AGBL1: variants seen among roughly 807,000 people sequenced by gnomAD.
AGBL1 encodes the protein cytosolic carboxypeptidase 4.
Under a neutral mutation model 118.9 loss-of-function variants are expected in AGBL1, and 130 were observed. The observed-to-expected ratio is 1.09, with a 90% CI of 0.95 to 1.26. The LOEUF (loss-of-function observed/expected upper bound fraction) is 1.26. Ranked by LOEUF, AGBL1 falls within the 50% of genes most tolerant of loss-of-function variation. The pLI is 0.00. For missense variants in AGBL1, 1,584 were observed against 1,298.1 expected (o/e 1.22, Z -3.38); for synonymous variants, 555 against 478.9 (o/e 1.16, Z -2.08).
chr15:86,756,897 G>T (rs751357671), intron 22 of AGBL1, among the ~76,000 whole-genome samples: 2 of 151,700 alleles, frequency 1.3e-5, no homozygotes, highest in Non-Finnish European at 2.9e-5. Context: ...GCTCCCTCTG[G>T]CTGTAGTTTG....
At chr15:86,478,792 AG>A (rs779603650) in intron 18 of AGBL1, among the ~76,000 whole-genome samples, 1 of 152,210 alleles carries the variant, frequency 6.6e-6, no homozygotes, top group Non-Finnish European at 1.5e-5. Flanking sequence ...CTAAGCCAAA[AG>A]AACAAAGCTG....
At chr15:86,589,950 CATATGT>C (rs2084309344) in intron 21 of AGBL1, among the ~76,000 whole-genome samples, 1 of 152,062 alleles carries the variant, frequency 6.6e-6, no homozygotes, top group Non-Finnish European at 1.5e-5. Flanking sequence ...TATTCTCTTA[CATATGT>C]AGGGGCAAAG....
At chr15:86,161,139 G>A (rs968765764) in intron 5 of AGBL1, among the ~76,000 whole-genome samples, 2 of 152,202 alleles carry the variant, frequency 1.3e-5, no homozygotes, top group African/African-American at 4.8e-5. Context: ...CACAAAAGGA[G>A]CCTTCCAGGG....
At chr15:86,992,476 T>A (rs1463065833) in intron 24 of AGBL1, among the ~76,000 whole-genome samples, 1 of 152,196 alleles carries the variant, frequency 6.6e-6, no homozygotes, top group Non-Finnish European at 1.5e-5. Flanking sequence ...TCTATTGCAC[T>A]GAACACAGTA....
Position 86,262,710 on chromosome 15 carries a change from A to G in AGBL1, c.970-68A>G, listed in dbSNP as rs749385868. The G allele has an allele frequency of 1.1e-5, 12 of 1,067,090 alleles. 1 individual carries two copies. The highest frequency in any genetic ancestry group is 2.0e-4 in the Middle Eastern group (1 of 5,058). The allele number at this position is 1,067,090 out of a possible 1,614,324, so 66.1% of individuals were successfully genotyped here. ...TAAGATTCTGAAGAAGCACATACAT[A>G]TCATGTCTTGATGCTTCTCAGGGTG... On this transcript the variant is annotated intron_variant, in intron 9 of 22. Coordinates refer to ENST00000614907, the MANE Select transcript of AGBL1 (RefSeq NM_001386094.1).
chr15:86,270,128 G>A, intron 14 of AGBL1, 61 bp downstream of exon 14: 1 of 1,545,456 alleles, frequency 6.5e-7, no homozygotes, highest in South Asian at 1.2e-5. Flanking sequence ...TTTCTTGACT[G>A]TTTGGATTCA....
chr15:86,900,061 C>CT (rs2080189724), intron 22 of AGBL1, among the ~76,000 whole-genome samples: 1 of 152,154 alleles, frequency 6.6e-6, no homozygotes, highest in African/African-American at 2.4e-5. Flanking sequence ...ACATTGGACT[C>CT]TAAGTTCTTC....
chr15:86,831,545 C>T (rs1401854301), intron 22 of AGBL1, among the ~76,000 whole-genome samples: 1 of 152,186 alleles, frequency 6.6e-6, no homozygotes, highest in African/African-American at 2.4e-5. Context: ...GAAGGCCAGT[C>T]AAATTTTAAA....
chr15:86,659,865 GC>G (rs1257893203), intron 21 of AGBL1, among the ~76,000 whole-genome samples: 1 of 152,102 alleles, frequency 6.6e-6, no homozygotes, highest in Non-Finnish European at 1.5e-5. Flanking sequence ...AGTTATATGG[GC>G]CCATGGTAGG....
At chr15:86,225,480 AT>A (rs1198940948) in intron 6 of AGBL1, among the ~76,000 whole-genome samples, 3 of 152,164 alleles carry the variant, frequency 2.0e-5, no homozygotes, top group Non-Finnish European at 4.4e-5. Context: ...CTGATAACAA[AT>A]TTATATTTAA....
intron 22 of AGBL1, among the ~76,000 whole-genome samples, chr15:86,677,187 A>G (rs190740638): frequency 6.6e-6 from 1 of 152,346 alleles, no homozygotes; most frequent in Non-Finnish European, 1.5e-5. Flanking sequence ...CATAAAAACA[A>G]TTAGAGTGTA....
At chr15:86,210,593 C>G (rs1239965349) in intron 5 of AGBL1, among the ~76,000 whole-genome samples, 3 of 152,134 alleles carry the variant, frequency 2.0e-5, no homozygotes, top group African/African-American at 7.2e-5. Flanking sequence ...CCCTTTCTTC[C>G]ACTTGATCTA....
intron 22 of AGBL1, among the ~76,000 whole-genome samples, chr15:86,842,219 A>T (rs2079255835): frequency 1.3e-5 from 1 of 74,806 alleles, no homozygotes; most frequent in African/African-American, 5.6e-5. Flanking sequence ...ATCGATATTA[A>T]AAAAAAAAAA....
intron 17 of AGBL1, among the ~76,000 whole-genome samples, chr15:86,346,869 G>A (rs1390614782): frequency 2.6e-5 from 4 of 152,174 alleles, no homozygotes; most frequent in East Asian, 1.9e-4. Context: ...GTGCCATACA[G>A]CAAGACTCTG....
Position 86,559,278 on chromosome 15 carries a change from A to G in AGBL1, c.2994+4741A>G, listed in dbSNP as rs549086062. 2.0e-5 allele frequency among the ~76,000 whole-genome samples: 3 copies of G among 152,326 alleles called. No individual in the cohort carries two copies. The East Asian group carries it at 5.8e-4, about 29-fold the overall frequency. ...TATTCTGACATTCTGATAAGGAGAT[A>G]AATTTGGGCATTGGGCAAGATACTA... On this transcript the variant is annotated intron_variant, in intron 21 of 22. Transcript: ENST00000614907.
Position 86,387,654 on chromosome 15 carries a change from G to T in AGBL1, c.2375-9712G>T, listed in dbSNP as rs545098574. ...GATTTAAGAAAAAGATTTGTAGGCT[G>T]CCAATAGAATGATCATTATCCTTCA... is the stretch of plus-strand genomic sequence containing the variant. On this transcript the variant is annotated intron_variant, in intron 17 of 22. Transcript: ENST00000614907. 3.9e-5 allele frequency among the ~76,000 whole-genome samples: 6 copies of T among 152,302 alleles called. No homozygotes were observed. The South Asian group carries it at 1.2e-3, about 32-fold the overall frequency.
At chr15:87,016,648 A>AC (rs2081610331) in intron 24 of AGBL1, among the ~76,000 whole-genome samples, 1 of 152,204 alleles carries the variant, frequency 6.6e-6, no homozygotes. Flanking sequence ...CCAGATTCTC[A>AC]CATTGGGATT....
intron 1 of AGBL1, among the ~76,000 whole-genome samples, chr15:86,129,888 T>A (rs1020009533): frequency 1.3e-5 from 2 of 152,010 alleles, no homozygotes; most frequent in African/African-American, 2.4e-5. Flanking sequence ...AGGCATAAAT[T>A]TAAAATTGTG....
At chr15:86,452,094 A>G (rs1212649829) in intron 18 of AGBL1, among the ~76,000 whole-genome samples, 4 of 152,110 alleles carry the variant, frequency 2.6e-5, no homozygotes, top group Admixed American at 1.3e-4. Flanking sequence ...CGGACACATT[A>G]TGTAGACTCA....
Sources: allele counts gnomAD v4.1 joint callset (sites outside exome capture counted in the v4.1 genomes callset), GRCh38; gene constraint gnomAD v4.1.1; transcripts MANE v1.5; gene names NCBI Gene and HGNC (gene_info 2026-07-23, HGNC 2026-07-21).